The following TRMT9B variants were observed in gnomAD, a reference collection of about 807,000 sequenced individuals.
TRMT9B encodes tRNA methyltransferase 9B (putative).
In TRMT9B, 16 loss-of-function variants were observed where a neutral mutation model predicts 11.5. That is an observed-to-expected ratio of 1.39 (90% CI 0.94 to 2.11). The LOEUF (loss-of-function observed/expected upper bound fraction) is 2.11. TRMT9B is among the 30% of genes most tolerant of loss of function. TRMT9B has a pLI of 0.00. For missense variants in TRMT9B, 941 were observed against 553.8 expected (o/e 1.70, Z -7.02); for synonymous variants, 274 against 192.4 (o/e 1.42, Z -3.51).
chr8:12,982,780 CA>C (rs377735844), intron 1 of TRMT9B, among the ~76,000 whole-genome samples: 14 of 151,994 alleles, frequency 9.2e-5, no homozygotes, highest in African/African-American at 2.9e-4. Context: ...TTTGAGTGAC[CA>C]CATGATGCCA....
At chr8:12,964,166 T>G (rs1303669147) in intron 1 of TRMT9B, among the ~76,000 whole-genome samples, 1 of 152,222 alleles carries the variant, frequency 6.6e-6, no homozygotes, top group African/African-American at 2.4e-5. Context: ...ATTGTGACAT[T>G]AGTTTTGTTA....
rs1003479446 is a variant in TRMT9B at position 12,990,942 on chromosome 8, A to G, written c.-91A>G. On this transcript the variant is annotated 5_prime_UTR_variant, in exon 2 of 5. It removes an upstream start codon present in the reference 5' UTR. Coordinates refer to ENST00000524591, the MANE Select transcript of TRMT9B (RefSeq NM_020844.3). Reference sequence around the variant, plus strand: ...ATTTACGTTACACATTGAGAAAGTTATGAGAAGCAACTGTCACTCTCTGGA... The same window carrying G: ...ATTTACGTTACACATTGAGAAAGTTGTGAGAAGCAACTGTCACTCTCTGGA... 3.1e-6 allele frequency: 4 copies of G among 1,289,128 alleles called. No individual in the cohort carries two copies. Among genetic ancestry groups the G allele is most frequent in the African/African-American group, 3.0e-5 (2 of 65,858 alleles). The allele number at this position is 1,289,128 out of a possible 1,614,324, so 79.9% of individuals were successfully genotyped here. A position where few individuals can be genotyped will look rare whatever the true frequency, so the allele number is the denominator to read the frequency against.
chr8:12,946,437 A>G (rs1563290709), intron 1 of TRMT9B, among the ~76,000 whole-genome samples: 1 of 152,204 alleles, frequency 6.6e-6, no homozygotes, highest in African/African-American at 2.4e-5. Flanking sequence ...TATGAAGGGC[A>G]AGAAGAAGCA....
intron 1 of TRMT9B, among the ~76,000 whole-genome samples, chr8:12,966,372 T>G (rs1802827934): frequency 6.6e-6 from 1 of 152,154 alleles, no homozygotes; most frequent in African/African-American, 2.4e-5. Context: ...CGGAAAGCAT[T>G]GCTACTGTAT....
At chr8:13,003,730 G>C (rs1037081837) in intron 2 of TRMT9B, among the ~76,000 whole-genome samples, 1 of 151,444 alleles carries the variant, frequency 6.6e-6, no homozygotes, top group African/African-American at 2.4e-5. Flanking sequence ...GGATAGTGTG[G>C]AGCAAGATGG....
At chr8:12,990,209 C>T (rs889024095) in intron 1 of TRMT9B, among the ~76,000 whole-genome samples, 1 of 152,168 alleles carries the variant, frequency 6.6e-6, no homozygotes. Flanking sequence ...CACTTGCAGA[C>T]AAGCAATTAG....
intron 1 of TRMT9B, among the ~76,000 whole-genome samples, chr8:12,957,079 G>T (rs1428612530): frequency 6.6e-6 from 1 of 152,200 alleles, no homozygotes; most frequent in Non-Finnish European, 1.5e-5. Flanking sequence ...TATTATAAGT[G>T]CAGAACAGTA....
At chr8:12,992,764 G>T (rs1430559212) in intron 2 of TRMT9B, among the ~76,000 whole-genome samples, 1 of 152,130 alleles carries the variant, frequency 6.6e-6, no homozygotes, top group African/African-American at 2.4e-5. Flanking sequence ...AGCTACTCAG[G>T]AGGCTGAGGC....
At chr8:12,991,115 C>A in intron 2 of TRMT9B, 84 bp downstream of exon 2, 2 of 553,464 alleles carry the variant, frequency 3.6e-6, no homozygotes, top group Non-Finnish European at 5.0e-6. Context: ...TAATTCTTCC[C>A]AATCCCTATA....
At chr8:13,009,385 G>C (rs1811153953) in intron 3 of TRMT9B, among the ~76,000 whole-genome samples, 1 of 152,132 alleles carries the variant, frequency 6.6e-6, no homozygotes, top group Non-Finnish European at 1.5e-5. Context: ...AATAGGGAAA[G>C]GATGTGAACA....
chr8:13,013,224 T>A (rs916152868), intron 4 of TRMT9B, among the ~76,000 whole-genome samples: 5 of 152,214 alleles, frequency 3.3e-5, no homozygotes, highest in African/African-American at 1.2e-4. Flanking sequence ...TATATTACCA[T>A]TTTTTAGGCC....
At chr8:12,989,080 T>G (rs576596884) in intron 1 of TRMT9B, among the ~76,000 whole-genome samples, 3 of 139,908 alleles carry the variant, frequency 2.1e-5, no homozygotes, top group East Asian at 1.9e-4. Flanking sequence ...ATACAGAAAT[T>G]TTTTTTTTTT....
At chr8:13,005,330 A>G (rs911738488) in intron 2 of TRMT9B, among the ~76,000 whole-genome samples, 4 of 152,158 alleles carry the variant, frequency 2.6e-5, no homozygotes, top group African/African-American at 7.2e-5. Context: ...GAGATTGTTA[A>G]TGGGTACAAA....
intron 3 of TRMT9B, among the ~76,000 whole-genome samples, chr8:13,008,976 C>G (rs561499291): frequency 5.3e-5 from 8 of 151,988 alleles, no homozygotes; most frequent in African/African-American, 1.7e-4. Context: ...GATCCACCGA[C>G]CTTCGCCTCC....
chr8:13,011,772 C>G (rs890874425), intron 3 of TRMT9B: 2 of 960,356 alleles, frequency 2.1e-6, no homozygotes, highest in Non-Finnish European at 2.5e-6. Flanking sequence ...TTTTTATAAT[C>G]TGAGTTGTAT....
intron 2 of TRMT9B, among the ~76,000 whole-genome samples, chr8:13,000,931 G>A (rs1471164102): frequency 6.6e-6 from 1 of 152,070 alleles, no homozygotes; most frequent in African/African-American, 2.4e-5. Context: ...AGGACGCAAG[G>A]CTGGTACTGT....
At chr8:12,995,531 A>T (rs1431389908) in intron 2 of TRMT9B, among the ~76,000 whole-genome samples, 1 of 152,128 alleles carries the variant, frequency 6.6e-6, no homozygotes, top group Non-Finnish European at 1.5e-5. Context: ...CACTCAATAC[A>T]TATATTAATT....
chr8:12,971,672 G>A (rs1200311059), intron 1 of TRMT9B, among the ~76,000 whole-genome samples: 3 of 152,126 alleles, frequency 2.0e-5, no homozygotes, highest in Admixed American at 6.5e-5. Flanking sequence ...CAAGAAAATG[G>A]GGGGCAGGGA....
At chr8:13,019,257 A>G (rs1267168041) in intron 4 of TRMT9B, among the ~76,000 whole-genome samples, 4 of 152,206 alleles carry the variant, frequency 2.6e-5, no homozygotes, top group Non-Finnish European at 5.9e-5. Context: ...TGGGAGATAC[A>G]TACATATGGG....
Sources: gnomAD v4.1 joint callset for allele counts (sites outside exome capture counted in the v4.1 genomes callset) on GRCh38, gnomAD v4.1.1 for gene constraint, MANE v1.5 for transcripts, NCBI Gene and HGNC (gene_info 2026-07-23, HGNC 2026-07-21) for gene names.